LPAR3: variants seen among roughly 807,000 people sequenced by gnomAD.
The protein encoded by LPAR3 is LPA receptor 3.
In LPAR3, 7 loss-of-function variants were observed where a neutral mutation model predicts 17.8. That is an observed-to-expected ratio of 0.39 (90% CI 0.22 to 0.74). LPAR3 has a LOEUF of 0.74. LPAR3 is among the 30% of genes least tolerant of loss of function. The pLI is 0.40. For missense variants in LPAR3, 391 were observed against 453.4 expected (o/e 0.86, Z 1.25); for synonymous variants, 179 against 179.9 (o/e 0.99, Z 0.04).
At chr1:84,851,090 T>C (rs1489833298) in intron 2 of LPAR3, among the ~76,000 whole-genome samples, 1 of 152,236 alleles carries the variant, frequency 6.6e-6, no homozygotes, top group Non-Finnish European at 1.5e-5. Context: ...TCCTCAGATT[T>C]AAAATAATGG....
chr1:84,882,856 C>T (rs186420360), intron 1 of LPAR3, among the ~76,000 whole-genome samples: 1 of 152,174 alleles, frequency 6.6e-6, no homozygotes, highest in East Asian at 1.9e-4. Context: ...TAGATACTCA[C>T]ATGCAAAAGG....
chr1:84,850,326 G>A (rs557027664), intron 2 of LPAR3, among the ~76,000 whole-genome samples: 26 of 148,638 alleles, frequency 1.7e-4, no homozygotes, highest in South Asian at 1.1e-3. Flanking sequence ...GGAGGCTGAC[G>A]TGGGAGAATC....
chr1:84,887,318 A>T (rs912920934), intron 1 of LPAR3, among the ~76,000 whole-genome samples: 2 of 151,980 alleles, frequency 1.3e-5, no homozygotes, highest in Non-Finnish European at 2.9e-5. Flanking sequence ...TTGGGGCTGC[A>T]GTGAGCCAAG....
intron 1 of LPAR3, among the ~76,000 whole-genome samples, chr1:84,883,096 T>C (rs1660393927): frequency 6.6e-6 from 1 of 152,186 alleles, no homozygotes; most frequent in African/African-American, 2.4e-5. Flanking sequence ...TTTCCTTTTT[T>C]GTAAAAGGGA....
intron 1 of LPAR3, among the ~76,000 whole-genome samples, chr1:84,868,159 G>A (rs1346975639): frequency 6.6e-6 from 1 of 152,106 alleles, no homozygotes; most frequent in African/African-American, 2.4e-5. Flanking sequence ...GCCCAGGCTG[G>A]AGTGCAGTGG....
At chr1:84,825,208 G>T (rs1019462471) in intron 2 of LPAR3, among the ~76,000 whole-genome samples, 13 of 152,204 alleles carry the variant, frequency 8.5e-5, no homozygotes, top group African/African-American at 2.9e-4. Flanking sequence ...AAACATGGAT[G>T]CTCTGCATTG....
In LPAR3 at chr1:84,865,767, G is replaced by C; in HGVS notation, c.354C>G (p.Thr118=). The part of the protein sequence containing the change: ...LLDSSLTASL[T]NLLVIAVERH... The stretch of plus-strand genomic sequence containing the variant: ...TCTCCACGGCGATAACCAGCAAGTT[G>C]GTGAGGGAAGCAGTCAAGCTACTGT... The change falls in exon 2 of 3, where the codon ACC becomes ACG. Residue 118 remains threonine (T), a synonymous_variant. Coordinates refer to ENST00000370611, the MANE Select transcript of LPAR3 (RefSeq NM_012152.3). 1 of 1,614,194 alleles carries C rather than the reference G, an allele frequency of 6.2e-7. No homozygotes were observed. Among genetic ancestry groups the C allele is most frequent in the Non-Finnish European group, 8.5e-7 (1 of 1,180,044 alleles).
intron 2 of LPAR3, among the ~76,000 whole-genome samples, chr1:84,819,609 A>G (rs1381559298): frequency 6.6e-6 from 1 of 152,242 alleles, no homozygotes; most frequent in Non-Finnish European, 1.5e-5. Context: ...GAGAGGGAGC[A>G]CAGTTTTTTC....
At chr1:84,881,224 G>A (rs1660359776) in intron 1 of LPAR3, among the ~76,000 whole-genome samples, 1 of 152,068 alleles carries the variant, frequency 6.6e-6, no homozygotes, top group Admixed American at 6.6e-5. Flanking sequence ...GGGCAGGATG[G>A]TGAGGGGAGG....
intron 2 of LPAR3, among the ~76,000 whole-genome samples, 196 bp from the exon 3 acceptor site, chr1:84,814,367 T>C (rs1658892873): frequency 6.6e-6 from 1 of 152,206 alleles, no homozygotes; most frequent in Non-Finnish European, 1.5e-5. Flanking sequence ...GGAACCTCCT[T>C]GACTATCAAT....
intron 2 of LPAR3, among the ~76,000 whole-genome samples, chr1:84,835,857 T>G (rs1029640587): frequency 2.6e-5 from 4 of 152,100 alleles, no homozygotes; most frequent in African/African-American, 9.7e-5. Context: ...TGTGTCCAAT[T>G]ATCAAAGGCC....
At chr1:84,825,058 C>G (rs775857698) in intron 2 of LPAR3, among the ~76,000 whole-genome samples, 1 of 152,218 alleles carries the variant, frequency 6.6e-6, no homozygotes, top group Non-Finnish European at 1.5e-5. Flanking sequence ...CTCCCAGTAT[C>G]TCCATCTATA....
intron 2 of LPAR3, among the ~76,000 whole-genome samples, chr1:84,815,723 G>A (rs1658919729): frequency 6.6e-6 from 1 of 152,168 alleles, no homozygotes; most frequent in Admixed American, 6.5e-5. Context: ...ATGTGAGGTG[G>A]TAGTTGTGAG....
At position 84,813,944 on chromosome 1, in the gene LPAR3, G is replaced by A. The variant is rs762375876; in HGVS notation, c.964C>T (p.Arg322Cys). 8 of 1,614,036 alleles carry A rather than the reference G, an allele frequency of 5.0e-6. No homozygotes were observed. In the Admixed American group the frequency reaches 5.0e-5, roughly 10 times the overall value. The change falls in exon 3 of 3, where the codon CGC (arginine) becomes TGC (cysteine). Residue 322 changes from arginine (R) to cysteine (C), a missense_variant. By Grantham distance (180) the Arg-to-Cys change is radical (BLOSUM62 -3). Coordinates refer to ENST00000370611, the MANE Select transcript of LPAR3 (RefSeq NM_012152.3). ...CTGCTGAGGACTGTGGAGGGGATGC[G>A]AGAGGGACGCCTCTCTGGGTTCTCC... The part of the protein sequence containing the change: ...SQENPERRPS[R>C]IPSTVLSRSD...
At chr1:84,881,463 G>A (rs1331061302) in intron 1 of LPAR3, among the ~76,000 whole-genome samples, 1 of 152,156 alleles carries the variant, frequency 6.6e-6, no homozygotes, top group Non-Finnish European at 1.5e-5. Context: ...CTCAATAAAT[G>A]GCAGACAGCA....
At chr1:84,854,790 T>G (rs146771484) in intron 2 of LPAR3, among the ~76,000 whole-genome samples, 2 of 152,378 alleles carry the variant, frequency 1.3e-5, no homozygotes, top group African/African-American at 4.8e-5. Flanking sequence ...CCTGTTGTGA[T>G]TCACTGTCAC....
At chr1:84,879,316 C>T (rs868422622) in intron 1 of LPAR3, among the ~76,000 whole-genome samples, 122 of 120,608 alleles carry the variant, frequency 1.0e-3, no homozygotes, top group Middle Eastern at 4.4e-3. Flanking sequence ...TTTCTTTTTT[C>T]TTTTTTTTTT....
chr1:84,890,582 G>A (rs1354219387), intron 1 of LPAR3, among the ~76,000 whole-genome samples: 1 of 152,206 alleles, frequency 6.6e-6, no homozygotes, highest in African/African-American at 2.4e-5. Flanking sequence ...TGACTGCAAA[G>A]CCTTGGTCTT....
rs560576679 is a variant in LPAR3 at position 84,852,176 on chromosome 1, G to A, written c.736+13209C>T. Among the ~76,000 whole-genome samples the A allele has an allele frequency of 1.3e-4, 20 of 151,362 alleles. No individual in the cohort carries two copies. In the South Asian group the frequency reaches 1.7e-3, roughly 13 times the overall value. On this transcript the variant is annotated intron_variant, in intron 2 of 2. Transcript: ENST00000370611. The stretch of plus-strand genomic sequence containing the variant: ...AGCGATTTTCCTGCCTCAGCCTCCC[G>A]GGCCCAAGCGATTTTCCTGCCTCAG...
Sources: gnomAD v4.1 joint callset for allele counts (sites outside exome capture counted in the v4.1 genomes callset) on GRCh38, gnomAD v4.1.1 for gene constraint, MANE v1.5 for transcripts, NCBI Gene and HGNC (gene_info 2026-07-23, HGNC 2026-07-21) for gene names.